AKR1C2: variants seen among roughly 807,000 people sequenced by gnomAD.
The protein encoded by AKR1C2 is 3-alpha-HSD3.
Under a neutral mutation model 39.8 loss-of-function variants are expected in AKR1C2, and 27 were observed. The observed-to-expected ratio is 0.68, with a 90% CI of 0.50 to 0.93. The LOEUF (loss-of-function observed/expected upper bound fraction) is 0.93, where lower values mean the gene tolerates loss of function less well. Ranked by LOEUF, AKR1C2 falls within the 40% of genes least tolerant of loss-of-function variation. AKR1C2 has a pLI of 0.00. For synonymous variants in AKR1C2, 114 were observed against 137.9 expected (o/e 0.83, Z 1.22); for missense variants, 263 against 365.1 (o/e 0.72, Z 2.28).
intron 1 of AKR1C2, 38 bp downstream of exon 1, chr10:5,003,714 C>T: frequency 6.3e-7 from 1 of 1,577,368 alleles, no homozygotes; most frequent in Non-Finnish European, 8.7e-7. Flanking sequence ...CTTACTCTAG[C>T]TCCTTTGAAC....
intron 1 of AKR1C2, among the ~76,000 whole-genome samples, chr10:5,014,142 A>G (rs1158559902): frequency 1.3e-5 from 2 of 152,202 alleles, no homozygotes; most frequent in Non-Finnish European, 2.9e-5. Context: ...ATTATTGTGA[A>G]TAGAATTATT....
intron 5 of AKR1C2, among the ~76,000 whole-genome samples, chr10:4,998,251 A>G (rs1554773358): frequency 6.6e-6 from 1 of 150,648 alleles, no homozygotes; most frequent in East Asian, 2.0e-4. Flanking sequence ...TGTTCATTCC[A>G]TCTCTTCATG....
At chr10:5,015,476 T>C (rs1211410301) in intron 1 of AKR1C2, among the ~76,000 whole-genome samples, 3 of 152,092 alleles carry the variant, frequency 2.0e-5, no homozygotes, top group Admixed American at 6.5e-5. Flanking sequence ...TCCCTCTGTG[T>C]TCTGTAGACA....
rs1554773823 is a variant in AKR1C2 at position 5,001,579 on chromosome 10, G to A, written c.187C>T (p.Leu63=). ...HVYNNEEQVG[L]AIRSKIADGS... is the part of the protein sequence containing the mutation. ...TCTGCAATCTTGCTTCGGATGGCCA[G>A]TCCAACCTGCTCCTCATTATTGTAA... is the stretch of plus-strand genomic sequence containing the variant. Residue 63 remains leucine, a synonymous_variant, in exon 2 of 9, where the codon CTG becomes TTG. Transcript: ENST00000380753. 3 of 1,614,006 alleles carry A rather than the reference G, an allele frequency of 1.9e-6. No homozygotes were observed. The highest frequency in any genetic ancestry group is 1.7e-5 in the Admixed American group (1 of 60,012).
At chr10:5,008,006 G>A (rs553022636), upstream of AKR1C2, among the ~76,000 whole-genome samples, 4 of 151,416 alleles carry the variant, frequency 2.6e-5, no homozygotes, top group African/African-American at 9.7e-5. Context: ...TAGGCTTCTG[G>A]GGGCTTTGGG....
chr10:5,001,136 C>T (rs11816204), intron 2 of AKR1C2, among the ~76,000 whole-genome samples: 31,275 of 152,068 alleles, frequency 0.21, 3,543 homozygotes, highest in Non-Finnish European at 0.27. Context: ...TCTCTTATAT[C>T]GCTTTCTCTC....
At chr10:5,008,581 A>T (rs1554774632), upstream of AKR1C2, among the ~76,000 whole-genome samples, 1 of 152,168 alleles carries the variant, frequency 6.6e-6, no homozygotes, top group Non-Finnish European at 1.5e-5. Flanking sequence ...TCAGGAGACC[A>T]CAGGAATTCT....
At chr10:4,998,805 T>G in intron 4 of AKR1C2, 58 bp from the exon 5 acceptor site, 7 of 1,607,250 alleles carry the variant, frequency 4.4e-6, no homozygotes, top group Non-Finnish European at 5.1e-6. Context: ...GCAAGATAAA[T>G]GTAACATAGA....
intron 1 of AKR1C2, chr10:5,015,736 C>T (rs1837626044): frequency 6.6e-6 from 1 of 152,172 alleles, no homozygotes; most frequent in Admixed American, 6.6e-5. Context: ...TTTGCTCTGA[C>T]TGTATTCTTG....
intron 1 of AKR1C2, among the ~76,000 whole-genome samples, chr10:5,014,025 C>T (rs551325278): frequency 8.5e-5 from 13 of 152,238 alleles, no homozygotes; most frequent in South Asian, 6.2e-4. Flanking sequence ...TATTATTGCA[C>T]GTATCTGAAT....
chr10:4,992,298 T>C (rs1468130453), intron 7 of AKR1C2, among the ~76,000 whole-genome samples: 1 of 152,174 alleles, frequency 6.6e-6, no homozygotes, highest in Non-Finnish European at 1.5e-5. Flanking sequence ...ATTGAATATC[T>C]ATCTCTCCAA....
chr10:4,990,242 C>A lies in AKR1C2; in HGVS notation c.930-204G>T, dbSNP rs12355347. On this transcript the variant is annotated intron_variant, in intron 8 of 8. Coordinates refer to ENST00000380753, the MANE Select transcript of AKR1C2 (RefSeq NM_001393392.1). ...AAATAAAGAATAATTTAATTCTATT[C>A]CCCTGCCTGGAACTTAACACATAAA... Among the ~76,000 whole-genome samples the A allele has an allele frequency of 0.44, 67,247 of 151,988 alleles. 15,733 individuals are homozygous for A. Among genetic ancestry groups the A allele is most frequent in the Non-Finnish European group, 0.5 (33,682 of 67,954 alleles).
chr10:5,007,805 T>A (rs1837436579), upstream of AKR1C2, among the ~76,000 whole-genome samples: 1 of 151,924 alleles, frequency 6.6e-6, no homozygotes, highest in African/African-American at 2.4e-5. Context: ...AGTTATTTCC[T>A]TCCAAATTAC....
intron 1 of AKR1C2, among the ~76,000 whole-genome samples, chr10:5,002,291 CACAA>C (rs1441905779): frequency 4.6e-5 from 7 of 152,156 alleles, no homozygotes; most frequent in Admixed American, 4.6e-4. Context: ...CCACAGTTTA[CACAA>C]ACAGTTACGT....
chr10:5,001,845 G>C (rs1468083965), intron 1 of AKR1C2, among the ~76,000 whole-genome samples, 164 bp from the exon 2 acceptor site: 1 of 152,166 alleles, frequency 6.6e-6, no homozygotes, highest in Non-Finnish European at 1.5e-5. Context: ...TTCCCATTTA[G>C]TAATAAAGGT....
upstream of AKR1C2, among the ~76,000 whole-genome samples, chr10:5,004,446 G>C (rs1837356371): frequency 6.6e-6 from 1 of 152,020 alleles, no homozygotes; most frequent in African/African-American, 2.4e-5. Context: ...TCCTGATAAA[G>C]TTGTAATCCT....
At chr10:5,008,997 G>A (rs1314522670), upstream of AKR1C2, among the ~76,000 whole-genome samples, 1 of 152,136 alleles carries the variant, frequency 6.6e-6, no homozygotes, top group Non-Finnish European at 1.5e-5. Context: ...AGAGGCTGTG[G>A]AAGCTCACAG....
intron 5 of AKR1C2, chr10:4,996,080 C>T: frequency 1.4e-6 from 1 of 694,448 alleles, no homozygotes. Context: ...TCCATGAACC[C>T]TATCCTGGTT....
Position 4,989,122 on chromosome 10 carries a change from A to G in AKR1C2, c.*874T>C, listed in dbSNP as rs1836753100. The G allele has an allele frequency of 6.6e-6, 1 of 152,180 alleles. No individual in the cohort carries two copies. Among genetic ancestry groups the G allele is most frequent in the Non-Finnish European group, 1.5e-5 (1 of 68,036 alleles). The allele number at this position is 152,180 out of a possible 1,614,324, so 9.4% of individuals were successfully genotyped here. ...TAACAAATGAACAGTACATTTTTACAATCTAAGAATATTTTCTAAATATGA... is the reference window on the plus strand; with the variant it reads ...TAACAAATGAACAGTACATTTTTACGATCTAAGAATATTTTCTAAATATGA... On this transcript the variant is annotated 3_prime_UTR_variant, in exon 9 of 9. Transcript: ENST00000380753.
Sources: allele counts gnomAD v4.1 joint callset (sites outside exome capture counted in the v4.1 genomes callset), GRCh38; gene constraint gnomAD v4.1.1; transcripts MANE v1.5; gene names NCBI Gene and HGNC (gene_info 2026-07-23, HGNC 2026-07-21).